Variants in LMNTD1 observed in about 807,000 individuals in gnomAD.
LMNTD1 encodes the protein lamin tail domain containing 1, also known as lamin tail domain-containing protein 1.
In LMNTD1, 35 loss-of-function variants were observed where a neutral mutation model predicts 50.9. That is an observed-to-expected ratio of 0.69 (90% CI 0.53 to 0.91). LMNTD1 has a LOEUF of 0.91. LMNTD1 is among the 40% of genes least tolerant of loss of function. LMNTD1 has a pLI of 0.00. For synonymous variants in LMNTD1, 153 were observed against 161.9 expected, an observed-to-expected ratio of 0.94 and a Z score of 0.42; for missense variants, 470 against 475.5, an observed-to-expected ratio of 0.99 and a Z score of 0.11.
At chr12:25,567,326 C>A (rs1238874957) in intron 1 of LMNTD1, among the ~76,000 whole-genome samples, 1 of 152,034 alleles carries the variant, frequency 6.6e-6, no homozygotes, top group African/African-American at 2.4e-5. Context: ...TCTGTTTCTC[C>A]CTTAGTTTTC....
At chr12:25,511,542 T>C (rs947615853) in intron 8 of LMNTD1, among the ~76,000 whole-genome samples, 4 of 152,214 alleles carry the variant, frequency 2.6e-5, no homozygotes, top group East Asian at 3.8e-4. Flanking sequence ...CAGAATAGAA[T>C]GTTGGGCTGG....
At chr12:25,608,592 A>G (rs1946172964) in intron 1 of LMNTD1, among the ~76,000 whole-genome samples, 1 of 152,140 alleles carries the variant, frequency 6.6e-6, no homozygotes, top group South Asian at 2.1e-4. Context: ...TCACTTATGA[A>G]GCTTAGTTTG....
In LMNTD1 at chr12:25,552,863, A is replaced by C. The variant is rs1410830031; in HGVS notation, c.89+8T>G. 1.6e-5 allele frequency: 24 copies of C among 1,490,914 alleles called. No homozygotes were observed. The highest frequency in any genetic ancestry group is 2.1e-5 in the Non-Finnish European group (23 of 1,091,668). The allele number at this position is 1,490,914 out of a possible 1,614,324, so 92.4% of individuals were successfully genotyped here. On this transcript the variant is annotated splice_region_variant and intron_variant, in intron 2 of 9. Transcript: ENST00000458174. ...AACTCTGCTTCCATCGCATCTATGCATGCTCACTGTTTTTGTTTCTCATTC... is the reference window on the plus strand; with the variant it reads ...AACTCTGCTTCCATCGCATCTATGCCTGCTCACTGTTTTTGTTTCTCATTC...
chr12:25,497,627 G>C (rs768216709), intron 9 of LMNTD1: 2 of 152,078 alleles, frequency 1.3e-5, no homozygotes, highest in African/African-American at 4.8e-5. Flanking sequence ...GTGAAACCTC[G>C]TTGCTACTAA....
intron 1 of LMNTD1, among the ~76,000 whole-genome samples, chr12:25,647,258 G>C (rs1258682424): frequency 6.6e-6 from 1 of 152,186 alleles, no homozygotes; most frequent in East Asian, 1.9e-4. Context: ...CAAGGCAGGT[G>C]GATTGCTTTG....
chr12:25,595,766 A>G (rs1945830973), intron 1 of LMNTD1, among the ~76,000 whole-genome samples: 1 of 151,976 alleles, frequency 6.6e-6, no homozygotes. Context: ...AGCAACAGCA[A>G]CAAAAAATTA....
At chr12:25,588,249 T>C (rs925199538) in intron 1 of LMNTD1, among the ~76,000 whole-genome samples, 4 of 152,298 alleles carry the variant, frequency 2.6e-5, no homozygotes, top group Admixed American at 2.0e-4. Context: ...TCCTGACTCA[T>C]CTGGAATTAA....
At chr12:25,604,755 A>G (rs1459564136) in intron 1 of LMNTD1, among the ~76,000 whole-genome samples, 2 of 152,168 alleles carry the variant, frequency 1.3e-5, no homozygotes, top group Non-Finnish European at 2.9e-5. Flanking sequence ...TCATTGGTAG[A>G]CATTGGGTTG....
chr12:25,604,590 C>T (rs1021355893), intron 1 of LMNTD1, among the ~76,000 whole-genome samples: 10 of 151,732 alleles, frequency 6.6e-5, no homozygotes, highest in East Asian at 3.9e-4. Context: ...TGAGTGAGAA[C>T]ATGCAGTGTT....
intron 4 of LMNTD1, among the ~76,000 whole-genome samples, chr12:25,527,673 TATATATATACAC>T (rs1289573945): frequency 5.6e-4 from 12 of 21,456 alleles, no homozygotes; most frequent in East Asian, 3.9e-3. Context: ...TATATATATA[TATATATATACAC>T]ACACACACAC....
At chr12:25,571,979 GT>G in intron 1 of LMNTD1, among the ~76,000 whole-genome samples, 1 of 152,284 alleles carries the variant, frequency 6.6e-6, no homozygotes, top group Non-Finnish European at 1.5e-5. Flanking sequence ...GCTCAACCAA[GT>G]GGATTTCTAT....
At chr12:25,568,034 T>C (rs1944630789) in intron 1 of LMNTD1, among the ~76,000 whole-genome samples, 2 of 152,086 alleles carry the variant, frequency 1.3e-5, no homozygotes, top group African/African-American at 4.8e-5. Context: ...TAGGGAAAGT[T>C]TGGAACTTCT....
intron 4 of LMNTD1, among the ~76,000 whole-genome samples, chr12:25,529,169 C>T (rs572079372): frequency 2.0e-4 from 30 of 152,216 alleles, no homozygotes; most frequent in African/African-American, 7.0e-4. Context: ...AGTTTTGTTA[C>T]TTTTCAGCCC....
chr12:25,477,141 A>T (rs887133833), intron 9 of LMNTD1, among the ~76,000 whole-genome samples: 8 of 152,186 alleles, frequency 5.3e-5, no homozygotes, highest in African/African-American at 1.7e-4. Flanking sequence ...CTGAGAGGAA[A>T]CTGACAGCTT....
intron 1 of LMNTD1, among the ~76,000 whole-genome samples, chr12:25,569,585 A>G (rs78640840): frequency 0.089 from 13,511 of 152,202 alleles, 733 homozygotes; most frequent in South Asian, 0.15. Context: ...TCCCCACCCT[A>G]GTGCAAGACG....
At chr12:25,602,127 G>T (rs1945993310) in intron 1 of LMNTD1, among the ~76,000 whole-genome samples, 1 of 151,776 alleles carries the variant, frequency 6.6e-6, no homozygotes. Context: ...AATGATACCA[G>T]AAAGAAGGGG....
intron 9 of LMNTD1, among the ~76,000 whole-genome samples, chr12:25,487,036 G>A (rs1380727546): frequency 6.6e-6 from 1 of 150,904 alleles, no homozygotes; most frequent in Non-Finnish European, 1.5e-5. Context: ...CATTTGCTGA[G>A]GAGAGCTTTA....
intron 1 of LMNTD1, among the ~76,000 whole-genome samples, chr12:25,628,506 C>A (rs1946644922): frequency 6.6e-6 from 1 of 152,152 alleles, no homozygotes; most frequent in Non-Finnish European, 1.5e-5. Context: ...AAGATGTTTA[C>A]ATACTAATTC....
chr12:25,484,390 C>A (rs1261227767), intron 9 of LMNTD1, among the ~76,000 whole-genome samples: 1 of 151,888 alleles, frequency 6.6e-6, no homozygotes. Flanking sequence ...TGAGCCACTG[C>A]GCCTGGCCCA....
Sources: allele counts gnomAD v4.1 joint callset (sites outside exome capture counted in the v4.1 genomes callset), GRCh38; gene constraint gnomAD v4.1.1; transcripts MANE v1.5; gene names NCBI Gene and HGNC (gene_info 2026-07-23, HGNC 2026-07-21).